Variants in MACROD2 observed in about 807,000 individuals in gnomAD.
MACROD2 encodes mono-ADP ribosylhydrolase 2.
A neutral mutation model predicts 70.4 loss-of-function variants in MACROD2; 36 were observed. The ratio of observed to expected loss-of-function variants is 0.51; its 90% CI spans 0.39 to 0.68. The LOEUF (loss-of-function observed/expected upper bound fraction) is 0.68, where lower values mean the gene tolerates loss of function less well. Among genes scored for constraint, MACROD2 ranks in the 30% least tolerant of loss-of-function variants. MACROD2 has a pLI of 0.00. For missense variants in MACROD2, 496 were observed against 538.4 expected, an observed-to-expected ratio of 0.92 and a Z score of 0.78; for synonymous variants, 172 against 178.8, an observed-to-expected ratio of 0.96 and a Z score of 0.30.
intron 8 of MACROD2, among the ~76,000 whole-genome samples, chr20:15,508,948 G>T (rs1478679234): frequency 6.6e-6 from 1 of 152,184 alleles, no homozygotes; most frequent in East Asian, 1.9e-4. Flanking sequence ...TTAGCAAAAT[G>T]CAATGGCCAC....
chr20:14,734,969 C>T (rs191844636), intron 5 of MACROD2, among the ~76,000 whole-genome samples: 1 of 152,034 alleles, frequency 6.6e-6, no homozygotes, highest in East Asian at 1.9e-4. Flanking sequence ...TTACCTCATA[C>T]CATTTACAAA....
At chr20:14,029,491 T>G (rs2053220959) in intron 2 of MACROD2, among the ~76,000 whole-genome samples, 1 of 152,182 alleles carries the variant, frequency 6.6e-6, no homozygotes, top group African/African-American at 2.4e-5. Flanking sequence ...AGAAAGGATA[T>G]GGGGGCAAGA....
chr20:14,861,993 T>TTTA (rs1568838580), intron 5 of MACROD2, among the ~76,000 whole-genome samples: 64 of 36,478 alleles, frequency 1.8e-3, no homozygotes, highest in African/African-American at 6.0e-3. Flanking sequence ...ATATATATAT[T>TTTA]TATATATATA....
chr20:15,246,165 C>T (rs1023050886), intron 6 of MACROD2, among the ~76,000 whole-genome samples: 9 of 152,150 alleles, frequency 5.9e-5, no homozygotes, highest in Non-Finnish European at 1.3e-4. Context: ...TAAGTTTAAC[C>T]TCTTTGGAAA....
chr20:14,974,608 G>A (rs2074721704), intron 5 of MACROD2, among the ~76,000 whole-genome samples: 1 of 152,106 alleles, frequency 6.6e-6, no homozygotes, highest in African/African-American at 2.4e-5. Context: ...CCTAGAAAGG[G>A]AGGGTCATGT....
intron 4 of MACROD2, among the ~76,000 whole-genome samples, chr20:14,660,099 T>A (rs910722255): frequency 1.3e-5 from 2 of 152,208 alleles, no homozygotes; most frequent in African/African-American, 4.8e-5. Context: ...TTTAAAAGCA[T>A]ATTGATAAAT....
At chr20:15,326,383 A>AT (rs750271364) in intron 6 of MACROD2, among the ~76,000 whole-genome samples, 2 of 152,140 alleles carry the variant, frequency 1.3e-5, no homozygotes, top group Middle Eastern at 3.4e-3. Context: ...AAAGCATTAC[A>AT]TTTTTTTACC....
At chr20:15,754,762 C>T (rs1035510238) in intron 8 of MACROD2, among the ~76,000 whole-genome samples, 2 of 150,008 alleles carry the variant, frequency 1.3e-5, no homozygotes. Flanking sequence ...ATTATGTATA[C>T]CCTAAAGAAT....
intron 3 of MACROD2, among the ~76,000 whole-genome samples, chr20:14,141,602 G>T (rs2054874406): frequency 6.6e-6 from 1 of 151,928 alleles, no homozygotes; most frequent in South Asian, 2.1e-4. Context: ...AAAATTAGCT[G>T]GGTGTAGTGG....
chr20:16,036,068 G>A (rs1973968869), intron 15 of MACROD2, among the ~76,000 whole-genome samples: 1 of 151,962 alleles, frequency 6.6e-6, no homozygotes, highest in South Asian at 2.1e-4. Flanking sequence ...TTGGAACATA[G>A]GTATGGCAAA....
intron 8 of MACROD2, chr20:15,619,595 G>A (rs2049095270): frequency 2.2e-6 from 1 of 449,720 alleles, no homozygotes; most frequent in East Asian, 6.9e-5. Flanking sequence ...TGTGCACTTG[G>A]CAGCTGCTTA....
At chr20:14,411,939 T>A (rs2083754265) in intron 3 of MACROD2, among the ~76,000 whole-genome samples, 1 of 152,168 alleles carries the variant, frequency 6.6e-6, no homozygotes, top group Admixed American at 6.6e-5. Flanking sequence ...ATTATTTTAT[T>A]ATACACAGCA....
At chr20:14,290,466 C>A (rs1417098360) in intron 3 of MACROD2, among the ~76,000 whole-genome samples, 1 of 151,166 alleles carries the variant, frequency 6.6e-6, no homozygotes, top group Non-Finnish European at 1.5e-5. Context: ...AACCTCAGAT[C>A]AAAAGGGATG....
intron 9 of MACROD2, among the ~76,000 whole-genome samples, chr20:15,865,460 C>T (rs1338154775): frequency 6.6e-6 from 1 of 152,132 alleles, no homozygotes; most frequent in Non-Finnish European, 1.5e-5. Flanking sequence ...GCATTCATTT[C>T]TTTACATGGG....
chr20:14,551,511 A>G (rs1978652617), intron 4 of MACROD2, among the ~76,000 whole-genome samples: 2 of 152,202 alleles, frequency 1.3e-5, no homozygotes, highest in Admixed American at 1.3e-4. Flanking sequence ...TAGGCACATT[A>G]TATTGACAAT....
chr20:14,148,834 C>G (rs1486122995), intron 3 of MACROD2, among the ~76,000 whole-genome samples: 2 of 152,188 alleles, frequency 1.3e-5, no homozygotes, highest in Admixed American at 6.5e-5. Flanking sequence ...ATTCTTTGTT[C>G]AGGGTCTTTG....
At chr20:15,858,643 G>T (rs908509029) in intron 8 of MACROD2, among the ~76,000 whole-genome samples, 1 of 152,140 alleles carries the variant, frequency 6.6e-6, no homozygotes, top group Admixed American at 6.5e-5. Flanking sequence ...CCTGTTTCCC[G>T]CTGGTGTGAC....
chr20:15,559,221 C>T (rs1468734974), intron 8 of MACROD2, among the ~76,000 whole-genome samples: 5 of 113,918 alleles, frequency 4.4e-5, no homozygotes, highest in Admixed American at 1.1e-4. Flanking sequence ...AGCGAAACTC[C>T]GTCTCAAAAA....
intron 5 of MACROD2, among the ~76,000 whole-genome samples, chr20:15,188,828 G>A (rs1046378139): frequency 5.3e-5 from 8 of 152,092 alleles, no homozygotes; most frequent in African/African-American, 1.9e-4. Flanking sequence ...AAAATAGTAA[G>A]AACTTACTCT....
Sources: gnomAD v4.1 joint callset for allele counts (sites outside exome capture counted in the v4.1 genomes callset) on GRCh38, gnomAD v4.1.1 for gene constraint, MANE v1.5 for transcripts, NCBI Gene and HGNC (gene_info 2026-07-23, HGNC 2026-07-21) for gene names.